The following GNAQ variants were observed in gnomAD, a reference collection of about 807,000 sequenced individuals.
GNAQ encodes G protein subunit alpha q.
A neutral mutation model predicts 43.9 loss-of-function variants in GNAQ; 8 were observed. That is an observed-to-expected ratio of 0.18 (90% confidence interval 0.11 to 0.33). GNAQ has a LOEUF of 0.33. Ranked by LOEUF, GNAQ falls within the 10% of genes least tolerant of loss-of-function variation. The pLI, the probability that GNAQ is intolerant of heterozygous loss-of-function variation, is 1.00. For missense variants in GNAQ, 158 were observed against 450.8 expected (o/e 0.35, Z 5.88); for synonymous variants, 155 against 170.7 (o/e 0.91, Z 0.71).
At chr9:77,841,972 C>T (rs1415656079) in intron 2 of GNAQ, among the ~76,000 whole-genome samples, 2 of 152,056 alleles carry the variant, frequency 1.3e-5, no homozygotes, top group East Asian at 3.8e-4. Context: ...ATGATCTATG[C>T]CAAAATATTA....
chr9:78,021,177 A>T (rs1823904671), intron 1 of GNAQ, among the ~76,000 whole-genome samples: 1 of 150,196 alleles, frequency 6.7e-6, no homozygotes, highest in Non-Finnish European at 1.5e-5. Flanking sequence ...AGGCATGGGC[A>T]CCCACGCCCA....
intron 2 of GNAQ, among the ~76,000 whole-genome samples, chr9:77,866,734 G>T (rs1435145924): frequency 3.9e-5 from 6 of 152,152 alleles, no homozygotes; most frequent in African/African-American, 1.2e-4. Context: ...ATCTTGAGTT[G>T]AAAATGAATG....
chr9:77,882,131 C>T (rs1281279943), intron 2 of GNAQ, among the ~76,000 whole-genome samples: 1 of 152,130 alleles, frequency 6.6e-6, no homozygotes, highest in Non-Finnish European at 1.5e-5. Context: ...GAGCAAGACT[C>T]CCTTCCCCTC....
chr9:78,021,650 C>T (rs1241416518), intron 1 of GNAQ, among the ~76,000 whole-genome samples: 2 of 152,148 alleles, frequency 1.3e-5, no homozygotes, highest in Admixed American at 6.5e-5. Flanking sequence ...TGGGCATTCC[C>T]AGTGCTCAGG....
At chr9:77,989,151 A>G (rs1490180061) in intron 1 of GNAQ, among the ~76,000 whole-genome samples, 1 of 152,164 alleles carries the variant, frequency 6.6e-6, no homozygotes. Context: ...TTTTTTAAAA[A>G]TCTTGAAAAC....
chr9:77,852,593 A>G (rs1290145356), intron 2 of GNAQ, among the ~76,000 whole-genome samples: 2 of 152,212 alleles, frequency 1.3e-5, no homozygotes, highest in African/African-American at 2.4e-5. Context: ...CCTTCACAGC[A>G]AGGTGAATTT....
chr9:77,900,873 C>T (rs1828597544), intron 2 of GNAQ, among the ~76,000 whole-genome samples: 1 of 152,198 alleles, frequency 6.6e-6, no homozygotes, highest in Admixed American at 6.5e-5. Flanking sequence ...TTGCTCCCAA[C>T]AGTTTCAAAG....
chr9:77,724,482 C>T (rs1825366959), intron 6 of GNAQ, among the ~76,000 whole-genome samples: 1 of 152,182 alleles, frequency 6.6e-6, no homozygotes, highest in African/African-American at 2.4e-5. Context: ...CAGGCGTGAG[C>T]CACCACACCC....
At chr9:77,814,745 A>AT (rs1389552425) in intron 3 of GNAQ, among the ~76,000 whole-genome samples, 2 of 151,982 alleles carry the variant, frequency 1.3e-5, no homozygotes, top group Non-Finnish European at 2.9e-5. Flanking sequence ...ATGAACTGGC[A>AT]TAAGGTTACT....
At chr9:77,815,191 T>G (rs957261952) in intron 3 of GNAQ, among the ~76,000 whole-genome samples, 1 of 152,334 alleles carries the variant, frequency 6.6e-6, no homozygotes, top group African/African-American at 2.4e-5. Flanking sequence ...GAAGCCATAA[T>G]CAAACATATT....
At chr9:77,966,013 AC>A (rs759752795) in intron 1 of GNAQ, among the ~76,000 whole-genome samples, 23 of 152,268 alleles carry the variant, frequency 1.5e-4, no homozygotes, top group Non-Finnish European at 3.2e-4. Flanking sequence ...AAAGGAGCGA[AC>A]TATTGACACA....
At chr9:77,916,894 A>G (rs1828916270) in intron 2 of GNAQ, among the ~76,000 whole-genome samples, 1 of 152,200 alleles carries the variant, frequency 6.6e-6, no homozygotes, top group African/African-American at 2.4e-5. Context: ...CAGGACTGGC[A>G]AAGAGAGCAA....
chr9:77,809,239 T>A (rs985844702), intron 3 of GNAQ, among the ~76,000 whole-genome samples: 2 of 152,208 alleles, frequency 1.3e-5, no homozygotes, highest in Admixed American at 6.5e-5. Flanking sequence ...GTGTCTGATT[T>A]ACCCAGCTCC....
chr9:77,879,273 C>CT (rs1410105498), intron 2 of GNAQ, among the ~76,000 whole-genome samples: 5 of 151,568 alleles, frequency 3.3e-5, no homozygotes, highest in African/African-American at 9.7e-5. Flanking sequence ...TAGTTTTTTT[C>CT]TTTTTTTGAG....
intron 1 of GNAQ, among the ~76,000 whole-genome samples, chr9:77,954,155 G>A (rs1056003780): frequency 2.0e-5 from 3 of 152,198 alleles, no homozygotes; most frequent in Admixed American, 6.5e-5. Context: ...ATACTGGGAA[G>A]TAAGTAATGC....
At chr9:77,884,726 G>C (rs1348160040) in intron 2 of GNAQ, among the ~76,000 whole-genome samples, 2 of 152,122 alleles carry the variant, frequency 1.3e-5, no homozygotes, top group Admixed American at 1.3e-4. Context: ...TTGCATCTCA[G>C]TACACCCATC....
chr9:77,827,617 A>G (rs1297593760), intron 2 of GNAQ, among the ~76,000 whole-genome samples: 1 of 152,020 alleles, frequency 6.6e-6, no homozygotes, highest in Non-Finnish European at 1.5e-5. Context: ...TTCAGAGCAA[A>G]GATAACCTCT....
intron 5 of GNAQ, among the ~76,000 whole-genome samples, chr9:77,782,084 A>T (rs768488866): frequency 3.9e-5 from 6 of 152,160 alleles, no homozygotes; most frequent in Non-Finnish European, 7.4e-5. Context: ...CTCTGTTCTC[A>T]TCTGAAAAAA....
At chr9:77,789,557 G>C (rs766015527) in intron 5 of GNAQ, among the ~76,000 whole-genome samples, 1 of 152,052 alleles carries the variant, frequency 6.6e-6, no homozygotes, top group Non-Finnish European at 1.5e-5. Flanking sequence ...GACAATCACT[G>C]TTTACACCTT....
Sources: allele counts gnomAD v4.1 joint callset (sites outside exome capture counted in the v4.1 genomes callset), GRCh38; gene constraint gnomAD v4.1.1; transcripts MANE v1.5; gene names NCBI Gene and HGNC (gene_info 2026-07-23, HGNC 2026-07-21).